ADPRHL1: variants seen among roughly 807,000 people sequenced by gnomAD.
ADPRHL1 encodes inactive ADP-ribosyltransferase ARH2.
In ADPRHL1, 43 loss-of-function variants were observed where a neutral mutation model predicts 44.1. The observed-to-expected ratio is 0.98, with a 90% CI of 0.76 to 1.26. ADPRHL1 has a LOEUF of 1.26. Among genes scored for constraint, ADPRHL1 ranks in the 50% most tolerant of loss-of-function variants. ADPRHL1 has a pLI of 0.00. For missense variants in ADPRHL1, 2,022 were observed against 2,496.9 expected (o/e 0.81, Z 4.05); for synonymous variants, 878 against 1,017.4 (o/e 0.86, Z 2.61).
intron 7 of ADPRHL1, chr13:113,410,179 A>G (rs1313510744): frequency 2.1e-6 from 2 of 960,926 alleles, no homozygotes; most frequent in African/African-American, 1.8e-5. Context: ...GATGGAACAC[A>G]GGACTCCGCT....
chr13:113,448,415 G>A (rs1004579748), intron 1 of ADPRHL1, among the ~76,000 whole-genome samples: 2 of 137,668 alleles, frequency 1.5e-5, no homozygotes, highest in African/African-American at 2.8e-5. Context: ...GCAGTGAGCC[G>A]AGATCGCGCC....
At chr13:113,411,617 G>A (rs1011457559) in intron 7 of ADPRHL1, among the ~76,000 whole-genome samples, 15 of 152,318 alleles carry the variant, frequency 9.8e-5, no homozygotes, top group South Asian at 2.1e-4. Flanking sequence ...TCTGAGACAC[G>A]TTTTCACTCA....
chr13:113,421,567 C>T (rs905233182), intron 7 of ADPRHL1, among the ~76,000 whole-genome samples: 6 of 152,164 alleles, frequency 3.9e-5, no homozygotes, highest in Non-Finnish European at 4.4e-5. Flanking sequence ...GGGAGTGAGG[C>T]GCCTGGAAGT....
intron 1 of ADPRHL1, among the ~76,000 whole-genome samples, chr13:113,446,609 C>T (rs1472515752): frequency 6.6e-6 from 1 of 152,096 alleles, no homozygotes; most frequent in Non-Finnish European, 1.5e-5. Context: ...GTGTTATCCA[C>T]ATGCACAGTG....
rs564569147 is a variant in ADPRHL1 at position 113,417,593 on chromosome 13, T to C, written c.1061+5233A>G. On this transcript the variant is annotated intron_variant, in intron 7 of 7. Coordinates refer to ENST00000612156, the MANE Select transcript of ADPRHL1 (RefSeq NM_001394807.1). ...TGCCTTTGTCTGTCTCAGCCCTTGT[T>C]TGCTGACCAGCAGCCGCTGCTCGGG... Among the ~76,000 whole-genome samples the C allele has an allele frequency of 2.0e-5, 3 of 152,350 alleles. No homozygotes were observed. The East Asian group carries it at 5.8e-4, about 29-fold the overall frequency.
intron 7 of ADPRHL1, among the ~76,000 whole-genome samples, chr13:113,419,186 A>G (rs1477002884): frequency 7.1e-6 from 1 of 140,588 alleles, no homozygotes; most frequent in Non-Finnish European, 1.5e-5. Context: ...ACCTCACGGC[A>G]ACCTCAACCT....
chr13:113,427,559 A>T (rs1271579775), intron 4 of ADPRHL1, among the ~76,000 whole-genome samples: 1 of 148,900 alleles, frequency 6.7e-6, no homozygotes, highest in East Asian at 2.0e-4. Context: ...TTTTTTTGAG[A>T]CGGAGTCTCT....
chr13:113,435,446 G>A (rs1317867785), intron 2 of ADPRHL1, among the ~76,000 whole-genome samples: 21 of 121,134 alleles, frequency 1.7e-4, no homozygotes, highest in South Asian at 8.9e-4. Context: ...GCACCCAGGT[G>A]TAGAGTGAAC....
rs9549780 is a variant in ADPRHL1 at position 113,417,766 on chromosome 13, G to A, written c.1061+5060C>T. On this transcript the variant is annotated intron_variant, in intron 7 of 7. Transcript: ENST00000612156. The stretch of plus-strand genomic sequence containing the variant: ...CACACCAGGGATTTTAACCAGGGAA[G>A]CTTCTGTGTGTTAACTGGAAATGCG... Among the ~76,000 whole-genome samples, 196 of 44,616 alleles carry A rather than the reference G, an allele frequency of 4.4e-3. 1 individual carries two copies. Among genetic ancestry groups the A allele is most frequent in the African/African-American group, 9.0e-3 (75 of 8,318 alleles). 29.3% of individuals were successfully genotyped at this position (44,616 alleles called of 152,430 possible). A position where few individuals can be genotyped will look rare whatever the true frequency, so the allele number is the denominator to read the frequency against.
At chr13:113,415,539 T>G (rs1310055507) in intron 7 of ADPRHL1, among the ~76,000 whole-genome samples, 8 of 151,880 alleles carry the variant, frequency 5.3e-5, no homozygotes, top group Non-Finnish European at 1.2e-4. Flanking sequence ...GATCACGAGG[T>G]CAGGAGTTCG....
intron 1 of ADPRHL1, among the ~76,000 whole-genome samples, chr13:113,451,233 A>G (rs913461523): frequency 7.9e-5 from 12 of 152,336 alleles, no homozygotes; most frequent in South Asian, 2.1e-4. Context: ...TTGGAATAAA[A>G]AGTAATTGCT....
chr13:113,428,889 T>G, intron 4 of ADPRHL1, 63 bp downstream of exon 4: 1 of 1,597,864 alleles, frequency 6.3e-7, no homozygotes, highest in Non-Finnish European at 8.5e-7. Context: ...TGGGGGCCCA[T>G]GGAGGGGCTG....
At chr13:113,434,805 G>A (rs71446975) in intron 2 of ADPRHL1, among the ~76,000 whole-genome samples, 1 of 76,996 alleles carries the variant, frequency 1.3e-5, no homozygotes, top group Non-Finnish European at 2.5e-5. Flanking sequence ...CCCAGGACCC[G>A]GCACCCATGC....
intron 3 of ADPRHL1, 45 bp from the exon 4 acceptor site, chr13:113,429,137 T>C: frequency 6.3e-7 from 1 of 1,580,138 alleles, no homozygotes; most frequent in Non-Finnish European, 8.6e-7. Flanking sequence ...CCTGGGCCGC[T>C]TGGGAGGGCC....
intron 2 of ADPRHL1, among the ~76,000 whole-genome samples, chr13:113,434,952 CACAGGTGTACCCCGGGACCCG>C (rs1328667210): frequency 2.4e-5 from 3 of 124,550 alleles, no homozygotes; most frequent in African/African-American, 6.3e-5. Flanking sequence ...GTAGAGTGAA[CACAGGTGTACCCCGGGACCCG>C]GCACCCAGGT....
Position 113,404,531 on chromosome 13 carries a change from G to GCCTGTCCCTGAA in ADPRHL1, c.4739_4750dup (p.Val1580_Gln1583dup), listed in dbSNP as rs1430178550. On this transcript the variant is annotated inframe_insertion, in exon 8 of 8. Coordinates refer to ENST00000612156, the MANE Select transcript of ADPRHL1 (RefSeq NM_001394807.1). ...AATCTGCCCCTGAGCCCATTTCTGGGCCTGTCCCTGAACCTGTCCCTGGGC... is the reference window on the plus strand; with the variant it reads ...AATCTGCCCCTGAGCCCATTTCTGGGCCTGTCCCTGAACCTGTCCCTGAACCTGTCCCTGGGC... 3.0e-6 allele frequency: 4 copies of GCCTGTCCCTGAA among 1,312,752 alleles called. No homozygotes were observed. The highest frequency in any genetic ancestry group is 3.1e-5 in the East Asian group (1 of 32,574). 81.3% of individuals were successfully genotyped at this position (1,312,752 alleles called of 1,614,324 possible). A position where few individuals can be genotyped will look rare whatever the true frequency, so the allele number is the denominator to read the frequency against.
rs1433657342 is a variant in ADPRHL1 at position 113,414,745 on chromosome 13, G to A, written c.1062-6525C>T. Among the ~76,000 whole-genome samples, 72 of 151,136 alleles carry A rather than the reference G, an allele frequency of 4.8e-4. 1 individual carries two copies. Among genetic ancestry groups the A allele is most frequent in the Admixed American group, 1.1e-3 (17 of 15,162 alleles). Reference sequence around the variant, plus strand: ...GGCTGGAGTGCAATGGCGTGATCTCGGCTCACTGCAAGCTCCGCCTCCCGG... The same window carrying A: ...GGCTGGAGTGCAATGGCGTGATCTCAGCTCACTGCAAGCTCCGCCTCCCGG... On this transcript the variant is annotated intron_variant, in intron 7 of 7. Coordinates refer to ENST00000612156, the MANE Select transcript of ADPRHL1 (RefSeq NM_001394807.1).
intron 2 of ADPRHL1, among the ~76,000 whole-genome samples, chr13:113,440,970 T>C (rs1246783148): frequency 6.6e-6 from 1 of 152,044 alleles, no homozygotes; most frequent in African/African-American, 2.4e-5. Flanking sequence ...CTGGCCAACA[T>C]GGCAAAACCT....
At chr13:113,434,917 G>A (rs1349668389) in intron 2 of ADPRHL1, among the ~76,000 whole-genome samples, 2 of 126,038 alleles carry the variant, frequency 1.6e-5, no homozygotes, top group Admixed American at 1.6e-4. Context: ...GAACATAGGT[G>A]TACCCCGGGA....
Sources: allele counts gnomAD v4.1 joint callset (sites outside exome capture counted in the v4.1 genomes callset), GRCh38; gene constraint gnomAD v4.1.1; transcripts MANE v1.5; gene names NCBI Gene and HGNC (gene_info 2026-07-23, HGNC 2026-07-21).